PLAAT3: variants seen among roughly 807,000 people sequenced by gnomAD.
PLAAT3 encodes the protein Ca-independent phospholipase A1/2.
PLAAT3 carries 21 observed loss-of-function variants against 16.7 expected under a neutral mutation model. The ratio of observed to expected loss-of-function variants is 1.26; its 90% CI spans 0.89 to 1.81. The LOEUF is 1.81. Among genes scored for constraint, PLAAT3 ranks in the 40% most tolerant of loss-of-function variants. PLAAT3 has a pLI of 0.00. For missense variants in PLAAT3, 219 were observed against 213.7 expected (o/e 1.02, Z -0.16); for synonymous variants, 76 against 81.7 (o/e 0.93, Z 0.38).
chr11:63,590,264 G>A lies in PLAAT3; in HGVS notation c.223C>T (p.Gln75Ter). Residue 75 changes from glutamine to a stop codon, truncating the protein, a stop_gained, in exon 4 of 5, where the codon CAG becomes TAG. Coordinates refer to ENST00000415826, the MANE Select transcript of PLAAT3 (RefSeq NM_001128203.2). LOFTEE classifies it high-confidence loss of function. Reference sequence around the variant, plus strand: ...TTGTCATCATGTTTGTTGTTGACCTGGTACTTGTCACTCCCGGCCACATCA... The same window carrying A: ...TTGTCATCATGTTTGTTGTTGACCTAGTACTTGTCACTCCCGGCCACATCA... The part of the protein sequence containing the change: ...LYDVAGSDKY[Q>*]VNNKHDDKYS... 4 of 1,614,212 alleles carry A rather than the reference G, an allele frequency of 2.5e-6. No homozygotes were observed. The highest frequency in any genetic ancestry group is 3.4e-6 in the Non-Finnish European group (4 of 1,180,016).
chr11:63,587,927 A>G (rs1025640130), intron 4 of PLAAT3, among the ~76,000 whole-genome samples: 4 of 152,132 alleles, frequency 2.6e-5, no homozygotes, highest in African/African-American at 9.7e-5. Flanking sequence ...ACAAGAGACA[A>G]ATGTGGCCGG....
At chr11:63,607,704 C>A (rs1490186182) in intron 2 of PLAAT3, among the ~76,000 whole-genome samples, 1 of 151,602 alleles carries the variant, frequency 6.6e-6, no homozygotes, top group African/African-American at 2.4e-5. Context: ...ATCATAGAAG[C>A]TGGTGGGGAG....
upstream of PLAAT3, chr11:63,616,449 AT>A (rs961664557): frequency 2.0e-5 from 3 of 151,894 alleles, no homozygotes; most frequent in Admixed American, 1.3e-4. Context: ...CATCTTTTTA[AT>A]TTTTATTTTT....
intron 3 of PLAAT3, among the ~76,000 whole-genome samples, chr11:63,592,429 GC>G (rs1264478216): frequency 6.6e-6 from 1 of 152,120 alleles, no homozygotes; most frequent in Admixed American, 6.5e-5. Flanking sequence ...ACCCACCTCG[GC>G]CTCCCAAAGT....
In PLAAT3 at chr11:63,574,881, C is replaced by T. The variant is rs1017484652; in HGVS notation, c.*64G>A. 2.1e-6 allele frequency: 2 copies of T among 956,794 alleles called. No homozygotes were observed. Among genetic ancestry groups the T allele is most frequent in the African/African-American group, 1.7e-5 (1 of 58,340 alleles). 59.3% of individuals were successfully genotyped at this position (956,794 alleles called of 1,614,324 possible). ...TGAAATCCACAAACCAAACCCCAAA[C>T]TCTCTAGCAAAACAAGACCCCCTTG... On this transcript the variant is annotated 3_prime_UTR_variant, in exon 5 of 5. Coordinates refer to ENST00000415826, the MANE Select transcript of PLAAT3 (RefSeq NM_001128203.2).
intron 2 of PLAAT3, among the ~76,000 whole-genome samples, chr11:63,611,075 G>A (rs1324008049): frequency 6.6e-6 from 1 of 152,106 alleles, no homozygotes; most frequent in African/African-American, 2.4e-5. Flanking sequence ...CAAGATTGCT[G>A]TAGAGGATAG....
intron 3 of PLAAT3, 38 bp downstream of exon 3, chr11:63,598,023 C>T (rs750986828): frequency 7.2e-7 from 1 of 1,385,958 alleles, no homozygotes; most frequent in South Asian, 1.2e-5. Flanking sequence ...TTCCCAGCCC[C>T]TGGGGCCCAT....
chr11:63,583,872 G>A (rs1270908877), intron 4 of PLAAT3, among the ~76,000 whole-genome samples: 1 of 152,124 alleles, frequency 6.6e-6, no homozygotes, highest in African/African-American at 2.4e-5. Context: ...AAGCTCTTCT[G>A]AGTTAAGCCT....
intron 3 of PLAAT3, among the ~76,000 whole-genome samples, chr11:63,596,164 C>CT (rs775505868): frequency 6.9e-6 from 1 of 144,020 alleles, no homozygotes; most frequent in Non-Finnish European, 1.5e-5. Context: ...CGGCGTGAAC[C>CT]CGGAGGCAGA....
At chr11:63,609,132 A>G (rs972720699) in intron 2 of PLAAT3, among the ~76,000 whole-genome samples, 1 of 152,158 alleles carries the variant, frequency 6.6e-6, no homozygotes, top group Non-Finnish European at 1.5e-5. Context: ...TGAAACCCAG[A>G]ATGAAACGAA....
chr11:63,589,967 T>G, intron 4 of PLAAT3, 133 bp downstream of exon 4: 1 of 607,640 alleles, frequency 1.6e-6, no homozygotes, highest in Non-Finnish European at 2.7e-6. Context: ...TTGTCCCAAC[T>G]GTGACATCCT....
chr11:63,590,022 T>A, intron 4 of PLAAT3, 78 bp downstream of exon 4: 7 of 1,406,140 alleles, frequency 5.0e-6, no homozygotes, highest in Non-Finnish European at 6.9e-6. Context: ...TGTTCATGCC[T>A]CCATAGCCAT....
At chr11:63,593,434 A>C (rs1938200593) in intron 3 of PLAAT3, among the ~76,000 whole-genome samples, 1 of 152,240 alleles carries the variant, frequency 6.6e-6, no homozygotes, top group African/African-American at 2.4e-5. Context: ...AGAGGCAGCA[A>C]GGAGGCCAAC....
At chr11:63,578,002 G>A (rs563567096) in intron 4 of PLAAT3, among the ~76,000 whole-genome samples, 1 of 152,230 alleles carries the variant, frequency 6.6e-6, no homozygotes, top group East Asian at 1.9e-4. Context: ...GAACAATCCG[G>A]CTGGGTGCAG....
At chr11:63,608,940 T>G (rs530976216) in intron 2 of PLAAT3, among the ~76,000 whole-genome samples, 24 of 152,350 alleles carry the variant, frequency 1.6e-4, no homozygotes, top group African/African-American at 5.1e-4. Flanking sequence ...ATTTGTGGGA[T>G]TATCCTGAGG....
At chr11:63,612,646 A>T (rs1009943295) in intron 2 of PLAAT3, among the ~76,000 whole-genome samples, 2 of 152,242 alleles carry the variant, frequency 1.3e-5, no homozygotes, top group Non-Finnish European at 2.9e-5. Context: ...TTTCAAAAAC[A>T]GAAGTTGTAG....
intron 2 of PLAAT3, among the ~76,000 whole-genome samples, chr11:63,602,225 G>C (rs1187572671): frequency 6.6e-6 from 1 of 151,632 alleles, no homozygotes; most frequent in Non-Finnish European, 1.5e-5. Flanking sequence ...AGGAGGCGGA[G>C]GTTGCAGTGA....
chr11:63,587,264 G>A (rs1338450221), intron 4 of PLAAT3, among the ~76,000 whole-genome samples: 1 of 152,020 alleles, frequency 6.6e-6, no homozygotes, highest in Non-Finnish European at 1.5e-5. Context: ...ATAGACCCGT[G>A]CAAGGTAATA....
chr11:63,603,776 A>G (rs1434073615), intron 2 of PLAAT3, among the ~76,000 whole-genome samples: 1 of 150,396 alleles, frequency 6.6e-6, no homozygotes, highest in Non-Finnish European at 1.5e-5. Context: ...TAGAGAGAGT[A>G]AGGTGAATTT....
Sources: allele counts gnomAD v4.1 joint callset (sites outside exome capture counted in the v4.1 genomes callset), GRCh38; gene constraint gnomAD v4.1.1; transcripts MANE v1.5; gene names NCBI Gene and HGNC (gene_info 2026-07-23, HGNC 2026-07-21).